The following PDZRN3 variants were observed in gnomAD, a reference collection of about 807,000 sequenced individuals.
PDZRN3 encodes the protein E3 ubiquitin-protein ligase PDZRN3.
PDZRN3 carries 38 observed loss-of-function variants against 85.7 expected under a neutral mutation model. The observed-to-expected ratio is 0.44, with a 90% CI of 0.34 to 0.58. PDZRN3 has a LOEUF of 0.58. Ranked by LOEUF, PDZRN3 falls within the 20% of genes least tolerant of loss-of-function variation. PDZRN3 has a pLI of 0.01. For missense variants in PDZRN3, 1,629 were observed against 1,506.4 expected (o/e 1.08, Z -1.35); for synonymous variants, 759 against 638.0 (o/e 1.19, Z -2.86).
chr3:73,497,812 C>T (rs754288041), intron 3 of PDZRN3, among the ~76,000 whole-genome samples: 1 of 141,994 alleles, frequency 7.0e-6, no homozygotes, highest in Non-Finnish European at 1.5e-5. Context: ...CCCGTCCCCG[C>T]CCCCGCCAAC....
chr3:73,434,105 T>C (rs903114167), intron 3 of PDZRN3: 7 of 269,346 alleles, frequency 2.6e-5, no homozygotes, highest in African/African-American at 1.6e-4. Context: ...TTGCCAACTA[T>C]GACAGTTGAA....
At chr3:73,527,024 A>G (rs2106744139) in intron 3 of PDZRN3, among the ~76,000 whole-genome samples, 1 of 151,798 alleles carries the variant, frequency 6.6e-6, no homozygotes, top group South Asian at 2.1e-4. Flanking sequence ...AATTTTTTTT[A>G]TTTTTAGTAG....
intron 3 of PDZRN3, among the ~76,000 whole-genome samples, chr3:73,447,226 C>T (rs1702768270): frequency 6.6e-6 from 1 of 151,932 alleles, no homozygotes; most frequent in Non-Finnish European, 1.5e-5. Flanking sequence ...TTGCTCTGCC[C>T]TCCCTTCAGT....
chr3:73,405,546 T>TA (rs1413662906), intron 3 of PDZRN3, among the ~76,000 whole-genome samples: 2 of 152,222 alleles, frequency 1.3e-5, no homozygotes, highest in Non-Finnish European at 2.9e-5. Context: ...AAAATGATGG[T>TA]ATAGGAATCA....
intron 3 of PDZRN3, among the ~76,000 whole-genome samples, chr3:73,466,069 AG>A (rs1703206119): frequency 6.6e-6 from 1 of 152,216 alleles, no homozygotes; most frequent in Non-Finnish European, 1.5e-5. Context: ...AGAAAGGAAA[AG>A]GCAACTGGGG....
intron 3 of PDZRN3, among the ~76,000 whole-genome samples, chr3:73,485,292 T>C (rs1299654979): frequency 6.7e-6 from 1 of 149,972 alleles, no homozygotes; most frequent in Middle Eastern, 3.3e-3. Flanking sequence ...TAATTGGTAA[T>C]ATCAAAATAA....
intron 3 of PDZRN3, among the ~76,000 whole-genome samples, chr3:73,417,199 G>GT (rs959381379): frequency 2.0e-5 from 3 of 152,248 alleles, no homozygotes; most frequent in South Asian, 4.1e-4. Context: ...TAACTCCATC[G>GT]TAAGTTAAGG....
intron 7 of PDZRN3, among the ~76,000 whole-genome samples, chr3:73,388,379 A>AT (rs1355532586): frequency 4.6e-5 from 7 of 152,204 alleles, no homozygotes; most frequent in African/African-American, 1.7e-4. Context: ...AATGCTCTGC[A>AT]GAGGGAACAT....
chr3:73,602,281 C>T (rs1702526369), intron 3 of PDZRN3, 73 bp downstream of exon 3: 2 of 821,972 alleles, frequency 2.4e-6, no homozygotes, highest in Non-Finnish European at 4.2e-6. Context: ...CCCAGTCAAA[C>T]ATCTTGCTTT....
chr3:73,417,916 A>C (rs765600039), intron 3 of PDZRN3, among the ~76,000 whole-genome samples: 15 of 152,226 alleles, frequency 9.9e-5, no homozygotes, highest in Non-Finnish European at 2.1e-4. Flanking sequence ...ACCAATGAAA[A>C]GGAGCAGGAA....
At position 73,584,479 on chromosome 3, in the gene PDZRN3, GTGTGTGTGTGTGTGTGTGTGTA is replaced by G. The variant is rs1434531424; in HGVS notation, c.918+17853_918+17874del. 9.6e-4 allele frequency among the ~76,000 whole-genome samples: 108 copies of G among 112,606 alleles called. 1 individual carries two copies. Among genetic ancestry groups the G allele is most frequent in the Middle Eastern group, 4.6e-3 (1 of 216 alleles). The allele number at this position is 112,606 out of a possible 152,430, so 73.9% of individuals were successfully genotyped here. On this transcript the variant is annotated intron_variant, in intron 3 of 9. Transcript: ENST00000263666. ...TGTGTGTGTGTGTGTGTGTGTGTGT[GTGTGTGTGTGTGTGTGTGTGTA>G]TGCATATGCGTTGTGGATAAGAAAA...
Position 73,475,658 on chromosome 3 carries a change from T to C in PDZRN3, c.919-71263A>G, listed in dbSNP as rs77696607. On this transcript the variant is annotated intron_variant, in intron 3 of 9. Transcript: ENST00000263666. ...CGGGGGAAAACACTCAGATGGGTGA[T>C]TGAATATAAATTCACTGCCTTCAGC... Among the ~76,000 whole-genome samples, 93 of 152,350 alleles carry C rather than the reference T, an allele frequency of 6.1e-4. 1 individual carries two copies. The East Asian group carries it at 0.016, about 27-fold the overall frequency.
chr3:73,413,605 G>A (rs901160837), intron 3 of PDZRN3, among the ~76,000 whole-genome samples: 3 of 152,082 alleles, frequency 2.0e-5, no homozygotes, highest in East Asian at 1.9e-4. Flanking sequence ...GCCTGGCTTC[G>A]AAATGCGTGT....
At chr3:73,600,080 C>T (rs9835754) in intron 3 of PDZRN3, among the ~76,000 whole-genome samples, 22,297 of 151,986 alleles carry the variant, frequency 0.15, 1,717 homozygotes, top group African/African-American at 0.18. Flanking sequence ...GGGCTGGCAC[C>T]GATGTGGGTA....
At chr3:73,614,901 T>C (rs1702737815) in intron 1 of PDZRN3, among the ~76,000 whole-genome samples, 1 of 152,142 alleles carries the variant, frequency 6.6e-6, no homozygotes, top group Non-Finnish European at 1.5e-5. Context: ...TCTAAGGAAG[T>C]GATTCTTGCA....
At chr3:73,543,977 C>T (rs1006359973) in intron 3 of PDZRN3, among the ~76,000 whole-genome samples, 2 of 152,168 alleles carry the variant, frequency 1.3e-5, no homozygotes, top group Non-Finnish European at 2.9e-5. Flanking sequence ...AGCGCTCTGC[C>T]GAAGGAGGCA....
At chr3:73,460,944 C>T (rs370294603) in intron 3 of PDZRN3, among the ~76,000 whole-genome samples, 1 of 152,088 alleles carries the variant, frequency 6.6e-6, no homozygotes, top group Admixed American at 6.6e-5. Context: ...CAGGTGCATA[C>T]CACCATGCTG....
At chr3:73,487,130 C>A (rs965102203) in intron 3 of PDZRN3, among the ~76,000 whole-genome samples, 1 of 152,046 alleles carries the variant, frequency 6.6e-6, no homozygotes, top group Non-Finnish European at 1.5e-5. Context: ...TTAATAGGGG[C>A]ATCTAAATGT....
intron 8 of PDZRN3, 39 bp from the exon 9 acceptor site, chr3:73,385,824 C>T: frequency 8.8e-7 from 1 of 1,138,396 alleles, no homozygotes; most frequent in East Asian, 2.4e-5. Flanking sequence ...TTAGAAGTTT[C>T]CTTTCATGTT....
Sources: allele counts gnomAD v4.1 joint callset (sites outside exome capture counted in the v4.1 genomes callset), GRCh38; gene constraint gnomAD v4.1.1; transcripts MANE v1.5; gene names NCBI Gene and HGNC (gene_info 2026-07-23, HGNC 2026-07-21).